Variants in F9 observed in about 807,000 individuals in gnomAD.
F9 encodes the protein coagulation factor IX.
F9 carries 2 observed loss-of-function variants against 34.1 expected under a neutral mutation model. That is an observed-to-expected ratio of 0.06 (90% confidence interval 0.02 to 0.18). F9 has a LOEUF of 0.18. Ranked by LOEUF, F9 falls within the 10% of genes least tolerant of loss-of-function variation. The pLI is 1.00. For missense variants in F9, 216 were observed against 345.1 expected (o/e 0.63, Z 2.96); for synonymous variants, 137 against 118.8 (o/e 1.15, Z -1.00).
intron 6 of F9, among the ~76,000 whole-genome samples, chrX:139,556,733 G>A (rs1037121533): frequency 1.8e-5 from 2 of 112,332 alleles, no homozygotes; most frequent in Admixed American, 9.4e-5. Context: ...TTGATGAAAT[G>A]CATTTCAATG....
intron 5 of F9, among the ~76,000 whole-genome samples, chrX:139,549,589 T>C (rs1244534551): frequency 8.9e-6 from 1 of 112,619 alleles, no homozygotes; most frequent in African/African-American, 3.2e-5. Context: ...GTCTGGCTAG[T>C]TATCTGCAGC....
At position 139,537,031 on chromosome X, in the gene F9, C is replaced by T. The variant is rs1327097914; in HGVS notation, c.110C>T (p.Ala37Val). 2.5e-6 allele frequency: 3 copies of T among 1,207,258 alleles called. No individual in the cohort carries two copies. Among genetic ancestry groups the T allele is most frequent in the Non-Finnish European group, 3.4e-6 (3 of 893,244 alleles). The stretch of plus-strand genomic sequence containing the variant: ...TCAGTTTTTCTTGATCATGAAAACG[C>T]CAACAAAATTCTGAATCGGCCAAAG... ...ECTVFLDHENANKILNRPKRY... is the reference protein window; with the variant it reads ...ECTVFLDHENVNKILNRPKRY... The change falls in exon 2 of 8, where the codon GCC becomes GTC. Residue 37 changes from alanine (A) to valine (V), a missense_variant. Coordinates refer to ENST00000218099, the MANE Select transcript of F9 (RefSeq NM_000133.4).
intron 1 of F9, 102 bp downstream of exon 1, chrX:139,530,954 G>A: frequency 1.3e-6 from 1 of 741,537 alleles, no homozygotes; most frequent in Non-Finnish European, 2.1e-6. Flanking sequence ...TGATTTGACA[G>A]CAATATTGAA....
At chrX:139,544,114 A>G (rs772250451) in intron 4 of F9, among the ~76,000 whole-genome samples, 34 of 112,141 alleles carry the variant, frequency 3.0e-4, no homozygotes, top group Non-Finnish European at 6.0e-4. Context: ...TTCTTAGCCA[A>G]TGACACAGAA....
chrX:139,545,624 CA>C (rs1320303905), intron 4 of F9, among the ~76,000 whole-genome samples: 3 of 111,630 alleles, frequency 2.7e-5, no homozygotes, highest in Admixed American at 9.6e-5. Context: ...AAAGAACTAT[CA>C]GGTAAAAACT....
intron 4 of F9, among the ~76,000 whole-genome samples, chrX:139,545,398 A>G (rs908563283): frequency 6.3e-5 from 7 of 111,878 alleles, no homozygotes; most frequent in Admixed American, 9.5e-5. Flanking sequence ...ATTGCATAGG[A>G]GAAACAAAGG....
rs1928134930 is a variant in F9, at chrX:139,562,068, T to C, written c.1383T>C (p.Thr461=). ...GGATTAAGGAAAAAACAAAGCTCAC[T>C]TAATGAAAGATGGATTTCCAAGGTT... ...VNWIKEKTKL[T] Residue 461 remains threonine, a synonymous_variant, in exon 8 of 8, where the codon ACT becomes ACC. Coordinates refer to ENST00000218099, the MANE Select transcript of F9 (RefSeq NM_000133.4). The C allele has an allele frequency of 8.3e-7, 1 of 1,208,404 alleles. No individual in the cohort carries two copies. The highest frequency in any genetic ancestry group is 2.2e-5 in the Admixed American group (1 of 46,030).
At position 139,541,112 on chromosome X, in the gene F9, G is replaced by A. The variant is rs1927590546; in HGVS notation, c.314G>A (p.Gly105Asp). Residue 105 changes from glycine to aspartate, a missense_variant, in exon 4 of 8, where the codon GGC (glycine) becomes GAC (aspartate). By Grantham distance (94) the Gly-to-Asp change is moderately conservative. Transcript: ENST00000218099. ...TGTGAGTCCAATCCATGTTTAAATG[G>A]CGGCAGTTGCAAGGATGACATTAAT... ...DQCESNPCLN[G>D]GSCKDDINSY... The A allele has an allele frequency of 8.3e-7, 1 of 1,200,563 alleles. No homozygotes were observed. Among genetic ancestry groups the A allele is most frequent in the Non-Finnish European group, 1.1e-6 (1 of 887,879 alleles).
intron 6 of F9, among the ~76,000 whole-genome samples, chrX:139,551,779 G>A (rs755306325): frequency 6.7e-4 from 75 of 111,602 alleles, no homozygotes; most frequent in Non-Finnish European, 8.5e-4. Context: ...ACCTGGGAAC[G>A]TAGAAATGCA....
chrX:139,546,396 C>T (rs1312425469), intron 4 of F9, among the ~76,000 whole-genome samples: 1 of 111,768 alleles, frequency 8.9e-6, no homozygotes, highest in Non-Finnish European at 1.9e-5. Context: ...CCAGATTCTA[C>T]TTTTATAGGT....
intron 6 of F9, among the ~76,000 whole-genome samples, chrX:139,560,454 A>T (rs1291199107): frequency 8.9e-6 from 1 of 111,920 alleles, no homozygotes; most frequent in Admixed American, 9.5e-5. Context: ...ATGGGGAAAA[A>T]ATCCAAGGAC....
At chrX:139,536,134 GATATGATAT>G (rs1397889797) in intron 1 of F9, among the ~76,000 whole-genome samples, 12 of 104,589 alleles carry the variant, frequency 1.1e-4, no homozygotes, top group African/African-American at 3.9e-4. Flanking sequence ...ATATATATAT[GATATGATAT>G]ATATGATATA....
intron 6 of F9, among the ~76,000 whole-genome samples, chrX:139,554,001 C>G (rs1189228523): frequency 9.1e-6 from 1 of 109,751 alleles, no homozygotes; most frequent in Non-Finnish European, 1.9e-5. Context: ...CTCACCCACC[C>G]CCTTTAAACC....
At chrX:139,538,370 G>GCAGTA (rs1927531193) in intron 3 of F9, among the ~76,000 whole-genome samples, 1 of 111,686 alleles carries the variant, frequency 9.0e-6, no homozygotes, top group African/African-American at 3.3e-5. Context: ...AGGATTTTGA[G>GCAGTA]GGAGGGTAAG....
intron 6 of F9, among the ~76,000 whole-genome samples, chrX:139,558,451 C>T (rs887435200): frequency 2.6e-5 from 3 of 113,533 alleles, no homozygotes; most frequent in African/African-American, 9.6e-5. Flanking sequence ...GTAGGGTGCA[C>T]TTCCTGGGCA....
intron 5 of F9, among the ~76,000 whole-genome samples, 199 bp downstream of exon 5, chrX:139,548,690 G>A (rs1470739744): frequency 9.0e-6 from 1 of 111,660 alleles, no homozygotes; most frequent in Non-Finnish European, 1.9e-5. Context: ...TCTACAACCT[G>A]AATTCTTTCT....
chrX:139,535,099 C>T (rs545059294), intron 1 of F9, among the ~76,000 whole-genome samples: 3 of 111,333 alleles, frequency 2.7e-5, no homozygotes, highest in African/African-American at 9.8e-5. Context: ...ACCTATAATC[C>T]CAGCACTTTC....
chrX:139,561,774 G>A lies in F9; in HGVS notation c.1089G>A (p.Gly363=). 4 of 1,211,867 alleles carry A rather than the reference G, an allele frequency of 3.3e-6. No homozygotes were observed. Among genetic ancestry groups the A allele is most frequent in the Non-Finnish European group, 4.5e-6 (4 of 895,573 alleles). ...GCTGGGGAAGAGTCTTCCACAAAGGGAGATCAGCTTTAGTTCTTCAGTACC... is the reference window on the plus strand; with the variant it reads ...GCTGGGGAAGAGTCTTCCACAAAGGAAGATCAGCTTTAGTTCTTCAGTACC... ...VSGWGRVFHK[G]RSALVLQYLR... is the part of the protein sequence containing the mutation. The change falls in exon 8 of 8, where the codon GGG becomes GGA. Residue 363 remains glycine (G), a synonymous_variant. Coordinates refer to ENST00000218099, the MANE Select transcript of F9 (RefSeq NM_000133.4).
intron 6 of F9, among the ~76,000 whole-genome samples, chrX:139,556,889 C>A (rs1347907137): frequency 8.9e-6 from 1 of 112,098 alleles, no homozygotes; most frequent in African/African-American, 3.2e-5. Flanking sequence ...TGAGTGAGAG[C>A]AAACACTCTT....
Sources: gnomAD v4.1 joint callset for allele counts (sites outside exome capture counted in the v4.1 genomes callset) on GRCh38, gnomAD v4.1.1 for gene constraint, MANE v1.5 for transcripts, NCBI Gene and HGNC (gene_info 2026-07-23, HGNC 2026-07-21) for gene names.